Variants in PLEKHG1 observed in about 807,000 individuals in gnomAD.
PLEKHG1 encodes the protein pleckstrin homology and RhoGEF domain containing G1, also known as pleckstrin homology domain-containing family G member 1.
In PLEKHG1, 44 loss-of-function variants were observed where a neutral mutation model predicts 100.8. The ratio of observed to expected loss-of-function variants is 0.44; its 90% confidence interval spans 0.34 to 0.56. The LOEUF (loss-of-function observed/expected upper bound fraction) is 0.56. PLEKHG1 is among the 20% of genes least tolerant of loss of function. PLEKHG1 has a pLI of 0.01. For missense variants in PLEKHG1, 1,545 were observed against 1,720.9 expected (o/e 0.90, Z 1.81); for synonymous variants, 640 against 662.5 (o/e 0.97, Z 0.52).
intron 2 of PLEKHG1, among the ~76,000 whole-genome samples, chr6:150,644,937 A>G (rs1778429238): frequency 6.6e-6 from 1 of 152,218 alleles, no homozygotes; most frequent in Admixed American, 6.5e-5. Flanking sequence ...TCTCATATGT[A>G]GATCTAGTGT....
chr6:150,610,129 TCTCA>T (rs1776760754), intron 1 of PLEKHG1, among the ~76,000 whole-genome samples: 1 of 152,182 alleles, frequency 6.6e-6, no homozygotes, highest in South Asian at 2.1e-4. Flanking sequence ...TCTTTTTTTC[TCTCA>T]CTCTGTCACC....
At chr6:150,674,632 C>CCTCTCTCCCTCT (rs1779683071) in intron 3 of PLEKHG1, among the ~76,000 whole-genome samples, 2 of 66,340 alleles carry the variant, frequency 3.0e-5, no homozygotes, top group South Asian at 5.2e-4. Flanking sequence ...CTCTCTCCTC[C>CCTCTCTCCCTCT]CTCTCTCTCT....
At chr6:150,752,221 T>C (rs1257703472) in intron 2 of PLEKHG1, among the ~76,000 whole-genome samples, 1 of 152,192 alleles carries the variant, frequency 6.6e-6, no homozygotes, top group African/African-American at 2.4e-5. Context: ...GTCTGTTGGC[T>C]GGCCTTCATA....
At position 150,632,173 on chromosome 6, in the gene PLEKHG1, G is replaced by A. The variant is rs544217913; in HGVS notation, c.-203-5907G>A. Among the ~76,000 whole-genome samples, 19 of 152,314 alleles carry A rather than the reference G, an allele frequency of 1.2e-4. No individual in the cohort carries two copies. The South Asian group carries it at 3.5e-3, about 28-fold the overall frequency. On this transcript the variant is annotated intron_variant, in intron 1 of 3. Coordinates refer to the PLEKHG1 transcript ENST00000367326. ...AAAAAAGGAAAAGGTCAGAGTACAC[G>A]AAATTGTTTAATCTCCATTCTCTAT...
chr6:150,617,168 A>G (rs1777107923), intron 1 of PLEKHG1, among the ~76,000 whole-genome samples: 2 of 152,238 alleles, frequency 1.3e-5, no homozygotes, highest in South Asian at 4.1e-4. Context: ...GGGTTTGTTA[A>G]GTTAAAAAAA....
chr6:150,671,453 A>G (rs1779578290), intron 3 of PLEKHG1, among the ~76,000 whole-genome samples: 2 of 152,196 alleles, frequency 1.3e-5, no homozygotes, highest in Admixed American at 6.5e-5. Context: ...GGACAGAGCC[A>G]TTATGGGTAA....
chr6:150,739,404 A>G (rs1368073049), intron 2 of PLEKHG1, among the ~76,000 whole-genome samples: 2 of 152,318 alleles, frequency 1.3e-5, no homozygotes, highest in Non-Finnish European at 2.9e-5. Flanking sequence ...GCAGTGGCTC[A>G]TGCCTGTAAT....
chr6:150,670,952 C>T (rs574990990), intron 3 of PLEKHG1, among the ~76,000 whole-genome samples: 2 of 151,412 alleles, frequency 1.3e-5, no homozygotes, highest in South Asian at 2.1e-4. Context: ...GCTGAGTTCC[C>T]ACATACCAGT....
At chr6:150,777,848 G>C (rs978724814) in intron 3 of PLEKHG1, among the ~76,000 whole-genome samples, 5 of 152,284 alleles carry the variant, frequency 3.3e-5, no homozygotes, top group African/African-American at 1.2e-4. Flanking sequence ...TTGCACGTTA[G>C]TTACACTGAT....
intron 1 of PLEKHG1, among the ~76,000 whole-genome samples, chr6:150,623,637 C>T (rs191450624): frequency 5.9e-5 from 9 of 152,296 alleles, no homozygotes; most frequent in Admixed American, 5.9e-4. Context: ...TGGCCTCAGG[C>T]CCCCCACGTG....
intron 3 of PLEKHG1, among the ~76,000 whole-genome samples, chr6:150,769,599 AAAAAG>A (rs1784613632): frequency 6.6e-6 from 1 of 151,486 alleles, no homozygotes; most frequent in Non-Finnish European, 1.5e-5. Flanking sequence ...AAAAAAAAAA[AAAAAG>A]AAAGAAAAAA....
In PLEKHG1 at chr6:150,635,717, T is replaced by C. The variant is rs116449324; in HGVS notation, c.-203-2363T>C. On this transcript the variant is annotated intron_variant, in intron 1 of 3. Transcript: ENST00000367326. ...TGATTTAACAACTTTTCAGGGAGCA[T>C]AAATAAACTGTTAAATGTTCATGTT... 6.8e-3 allele frequency among the ~76,000 whole-genome samples: 1,032 copies of C among 152,312 alleles called. 12 individuals are homozygous for C. Among genetic ancestry groups the C allele is most frequent in the African/African-American group, 0.024 (988 of 41,566 alleles).
intron 3 of PLEKHG1, among the ~76,000 whole-genome samples, chr6:150,680,683 G>T (rs113022462): frequency 6.6e-6 from 1 of 152,194 alleles, no homozygotes; most frequent in Non-Finnish European, 1.5e-5. Flanking sequence ...GATGTTATAC[G>T]CAGAAGAGAC....
intron 15 of PLEKHG1, among the ~76,000 whole-genome samples, chr6:150,834,591 G>A (rs1432554313): frequency 6.6e-6 from 1 of 152,210 alleles, no homozygotes; most frequent in Non-Finnish European, 1.5e-5. Flanking sequence ...ACCTCGAGTA[G>A]TCTTCTTTTT....
intron 2 of PLEKHG1, among the ~76,000 whole-genome samples, chr6:150,754,803 G>A (rs1406284945): frequency 6.6e-6 from 1 of 151,806 alleles, no homozygotes; most frequent in Non-Finnish European, 1.5e-5. Flanking sequence ...AATGTAGCTG[G>A]GATTACAGGC....
At chr6:150,737,582 G>A (rs1272605413) in intron 2 of PLEKHG1, among the ~76,000 whole-genome samples, 2 of 152,164 alleles carry the variant, frequency 1.3e-5, no homozygotes, top group Non-Finnish European at 1.5e-5. Context: ...GTGAGCCACC[G>A]CGCCCGGCCT....
intron 1 of PLEKHG1, among the ~76,000 whole-genome samples, chr6:150,608,517 T>C (rs576752111): frequency 2.6e-5 from 4 of 152,342 alleles, no homozygotes; most frequent in African/African-American, 9.6e-5. Flanking sequence ...CAATAACTAT[T>C]CTAAAAATCT....
chr6:150,820,984 T>G (rs1189088083), intron 12 of PLEKHG1, among the ~76,000 whole-genome samples: 1 of 152,212 alleles, frequency 6.6e-6, no homozygotes, highest in African/African-American at 2.4e-5. Flanking sequence ...GGGTGACTCC[T>G]GATAACACAG....
At chr6:150,679,688 C>T (rs1186106327) in intron 3 of PLEKHG1, among the ~76,000 whole-genome samples, 1 of 152,190 alleles carries the variant, frequency 6.6e-6, no homozygotes, top group Non-Finnish European at 1.5e-5. Context: ...CTGTTTCAGG[C>T]TGTGGGAATT....
Sources: gnomAD v4.1 joint callset for allele counts (sites outside exome capture counted in the v4.1 genomes callset) on GRCh38, gnomAD v4.1.1 for gene constraint, MANE v1.5 for transcripts, NCBI Gene and HGNC (gene_info 2026-07-23, HGNC 2026-07-21) for gene names.